GRM7: variants seen among roughly 807,000 people sequenced by gnomAD.
The protein encoded by GRM7 is metabotropic glutamate receptor 7.
A neutral mutation model predicts 84.5 loss-of-function variants in GRM7; 35 were observed. The ratio of observed to expected loss-of-function variants is 0.41; its 90% CI spans 0.32 to 0.55. The LOEUF (loss-of-function observed/expected upper bound fraction) is 0.55. Among genes scored for constraint, GRM7 ranks in the 20% least tolerant of loss-of-function variants. GRM7 has a pLI of 0.19. For synonymous variants in GRM7, 487 were observed against 455.1 expected, an observed-to-expected ratio of 1.07 and a Z score of -0.89; for missense variants, 1,003 against 1,194.6, an observed-to-expected ratio of 0.84 and a Z score of 2.36.
intron 6 of GRM7, among the ~76,000 whole-genome samples, chr3:7,455,842 TTAGA>T (rs200946530): frequency 0.042 from 6,340 of 152,260 alleles, 172 homozygotes; most frequent in South Asian, 0.068. Context: ...ACTTACTGGT[TTAGA>T]TATAGTATGA....
intron 1 of GRM7, among the ~76,000 whole-genome samples, chr3:7,095,720 T>G (rs780265884): frequency 6.6e-6 from 1 of 152,074 alleles, no homozygotes; most frequent in East Asian, 1.9e-4. Context: ...GGGATCAGTA[T>G]TTTGTTCTAA....
At chr3:6,999,210 T>C (rs1694929118) in intron 1 of GRM7, among the ~76,000 whole-genome samples, 1 of 152,152 alleles carries the variant, frequency 6.6e-6, no homozygotes, top group African/African-American at 2.4e-5. Flanking sequence ...GCCAGTTTCT[T>C]TGCGAAATCA....
chr3:7,665,478 C>A (rs1014268763), intron 8 of GRM7, among the ~76,000 whole-genome samples: 1 of 152,016 alleles, frequency 6.6e-6, no homozygotes, highest in Admixed American at 6.6e-5. Flanking sequence ...CCCGGCCTTG[C>A]CCATGATTCT....
chr3:7,428,774 A>C (rs550656190), intron 5 of GRM7, among the ~76,000 whole-genome samples: 1 of 152,228 alleles, frequency 6.6e-6, no homozygotes, highest in Non-Finnish European at 1.5e-5. Flanking sequence ...CCCCAGAATA[A>C]TAATAAGAAA....
chr3:7,097,336 AC>A (rs1698893317), intron 1 of GRM7, among the ~76,000 whole-genome samples: 1 of 152,182 alleles, frequency 6.6e-6, no homozygotes, highest in African/African-American at 2.4e-5. Flanking sequence ...CCACTCAGGA[AC>A]AAAAAATATG....
chr3:6,954,492 C>T (rs1344522535), intron 1 of GRM7, among the ~76,000 whole-genome samples: 2 of 152,148 alleles, frequency 1.3e-5, no homozygotes, highest in Non-Finnish European at 2.9e-5. Flanking sequence ...AAAATAAGGT[C>T]TGAACACCTG....
At chr3:7,485,217 A>G (rs979027484) in intron 7 of GRM7, among the ~76,000 whole-genome samples, 1 of 152,218 alleles carries the variant, frequency 6.6e-6, no homozygotes, top group Non-Finnish European at 1.5e-5. Context: ...AGAGAAGATA[A>G]GTGCTTGTTG....
chr3:7,671,391 G>A (rs1379604824), intron 8 of GRM7, among the ~76,000 whole-genome samples: 1 of 152,104 alleles, frequency 6.6e-6, no homozygotes, highest in African/African-American at 2.4e-5. Flanking sequence ...TTCCAGTCAG[G>A]AGAGCACAGC....
chr3:7,314,575 G>T (rs1700518566), intron 4 of GRM7, among the ~76,000 whole-genome samples: 1 of 149,516 alleles, frequency 6.7e-6, no homozygotes, highest in Non-Finnish European at 1.5e-5. Flanking sequence ...CAATAAGTAA[G>T]TAAATTATAT....
chr3:7,564,646 A>AAT (rs575976011), intron 7 of GRM7, among the ~76,000 whole-genome samples: 20 of 152,094 alleles, frequency 1.3e-4, no homozygotes, highest in Admixed American at 1.0e-3. Context: ...TTGGAGCCAT[A>AAT]ATATATATAT....
chr3:7,429,439 A>G (rs141601330), intron 5 of GRM7, among the ~76,000 whole-genome samples: 1 of 152,302 alleles, frequency 6.6e-6, no homozygotes, highest in East Asian at 1.9e-4. Context: ...CTAAAATGTT[A>G]TCTCTATTTT....
intron 2 of GRM7, among the ~76,000 whole-genome samples, chr3:7,159,874 A>T (rs1252377956): frequency 6.6e-6 from 1 of 152,184 alleles, no homozygotes; most frequent in Non-Finnish European, 1.5e-5. Flanking sequence ...CAGTGGTGAC[A>T]TGAGGACTTA....
At chr3:7,044,670 T>C (rs979726492) in intron 1 of GRM7, among the ~76,000 whole-genome samples, 5 of 152,212 alleles carry the variant, frequency 3.3e-5, no homozygotes, top group African/African-American at 1.2e-4. Flanking sequence ...CAGAATCTTT[T>C]CTACGGCTTT....
intron 4 of GRM7, among the ~76,000 whole-genome samples, chr3:7,385,232 G>C (rs1316129621): frequency 1.4e-5 from 2 of 145,554 alleles, no homozygotes; most frequent in Non-Finnish European, 3.0e-5. Context: ...ATTTAAAGGA[G>C]TATTTTAGAC....
chr3:7,055,888 A>G (rs1697201794), intron 1 of GRM7, among the ~76,000 whole-genome samples: 1 of 151,958 alleles, frequency 6.6e-6, no homozygotes. Context: ...ATTGATCAGG[A>G]GAAGTATTAG....
chr3:7,088,119 A>G (rs1347520052), intron 1 of GRM7, among the ~76,000 whole-genome samples: 1 of 151,922 alleles, frequency 6.6e-6, no homozygotes, highest in Non-Finnish European at 1.5e-5. Context: ...TTTAGCAATG[A>G]ACCTGCGGAT....
chr3:7,405,015 A>G (rs942598329), intron 4 of GRM7, among the ~76,000 whole-genome samples: 1 of 152,132 alleles, frequency 6.6e-6, no homozygotes, highest in African/African-American at 2.4e-5. Context: ...TTGAACCGGA[A>G]CTTCTATGAG....
chr3:6,904,170 T>TA (rs1487229635), intron 1 of GRM7, among the ~76,000 whole-genome samples: 1 of 152,310 alleles, frequency 6.6e-6, no homozygotes, highest in East Asian at 1.9e-4. Context: ...TTTGTTTTTT[T>TA]AAAAAAATCT....
chr3:7,063,353 TC>T (rs1394216319), intron 1 of GRM7, among the ~76,000 whole-genome samples: 9 of 151,724 alleles, frequency 5.9e-5, no homozygotes, highest in Admixed American at 5.9e-4. Flanking sequence ...AGACTGCTGT[TC>T]CCTGATGGTG....
Sources: gnomAD v4.1 joint callset for allele counts (sites outside exome capture counted in the v4.1 genomes callset) on GRCh38, gnomAD v4.1.1 for gene constraint, MANE v1.5 for transcripts, NCBI Gene and HGNC (gene_info 2026-07-23, HGNC 2026-07-21) for gene names.